The following PRR16 variants were observed in gnomAD, a reference collection of about 807,000 sequenced individuals.
PRR16 encodes proline rich 16.
In PRR16, 6 loss-of-function variants were observed where a neutral mutation model predicts 18.2. That is an observed-to-expected ratio of 0.33 (90% CI 0.18 to 0.65). The LOEUF (loss-of-function observed/expected upper bound fraction) is 0.65. Ranked by LOEUF, PRR16 falls within the 30% of genes least tolerant of loss-of-function variation. The probability of loss-of-function intolerance (pLI) is 0.74; values close to 1 mark genes in which losing one functional copy is unlikely to be tolerated. For missense variants in PRR16, 412 were observed against 376.6 expected (o/e 1.09, Z -0.78); for synonymous variants, 151 against 147.8 (o/e 1.02, Z -0.16).
chr5:120,661,065 T>G (rs545715557), intron 1 of PRR16, among the ~76,000 whole-genome samples: 1 of 152,164 alleles, frequency 6.6e-6, no homozygotes, highest in African/African-American at 2.4e-5. Flanking sequence ...GCATATTTTC[T>G]TCACAATGTG....
At position 120,682,876 on chromosome 5, in the gene PRR16, C is replaced by A. The variant is rs535626996; in HGVS notation, c.160-3078C>A. Among the ~76,000 whole-genome samples, 7 of 152,252 alleles carry A rather than the reference C, an allele frequency of 4.6e-5. No homozygotes were observed. The South Asian group carries it at 1.4e-3, about 32-fold the overall frequency. On this transcript the variant is annotated intron_variant, in intron 1 of 1. Transcript: ENST00000407149. ...GCTCACACTTAAACTGAAGAAATAACCCTCGGAGCATTTACTTAACAAATA... is the reference window on the plus strand; with the variant it reads ...GCTCACACTTAAACTGAAGAAATAAACCTCGGAGCATTTACTTAACAAATA...
rs184856685 is a variant in PRR16 at position 120,545,482 on chromosome 5, C to T, written c.159+80837C>T. Among the ~76,000 whole-genome samples, 1,308 of 152,042 alleles carry T rather than the reference C, an allele frequency of 8.6e-3. 12 individuals carry two copies. Among genetic ancestry groups the T allele is most frequent in the Non-Finnish European group, 0.014 (944 of 67,950 alleles). ...AATGTCACAAAGAAGTCTGAAAAAG[C>T]TCACCTTATACTTTTTATTCTTCAT... On this transcript the variant is annotated intron_variant, in intron 1 of 1. Coordinates refer to ENST00000407149, the MANE Select transcript of PRR16 (RefSeq NM_001300783.2).
chr5:120,485,933 A>G (rs111249208), intron 1 of PRR16, among the ~76,000 whole-genome samples: 9,796 of 152,090 alleles, frequency 0.064, 707 homozygotes, highest in African/African-American at 0.18. Flanking sequence ...GTTTGCTGAG[A>G]ATGATGGTTT....
At chr5:120,485,191 T>C (rs769681758) in intron 1 of PRR16, among the ~76,000 whole-genome samples, 1 of 152,164 alleles carries the variant, frequency 6.6e-6, no homozygotes, top group African/African-American at 2.4e-5. Flanking sequence ...AACATTTATA[T>C]TTTATGTCTT....
chr5:120,516,221 C>T (rs923885417), intron 1 of PRR16, among the ~76,000 whole-genome samples: 1 of 151,966 alleles, frequency 6.6e-6, no homozygotes, highest in Non-Finnish European at 1.5e-5. Flanking sequence ...GTCAGGAGTT[C>T]GAGACCAGCC....
At chr5:120,503,375 A>G (rs1283106844) in intron 1 of PRR16, among the ~76,000 whole-genome samples, 1 of 152,166 alleles carries the variant, frequency 6.6e-6, no homozygotes. Context: ...CCATGTTTTC[A>G]CTTAGAGCTA....
intron 1 of PRR16, among the ~76,000 whole-genome samples, chr5:120,465,059 G>A (rs1749031080): frequency 6.6e-6 from 1 of 152,116 alleles, no homozygotes; most frequent in African/African-American, 2.4e-5. Context: ...CTGCCTATCT[G>A]TCAGCCTCCC....
intron 1 of PRR16, among the ~76,000 whole-genome samples, chr5:120,647,133 A>G (rs1561591984): frequency 6.6e-6 from 1 of 151,990 alleles, no homozygotes; most frequent in Admixed American, 6.6e-5. Context: ...CCTCAAAAGG[A>G]GTCTATGATT....
chr5:120,650,866 T>C (rs1755758882), intron 1 of PRR16, among the ~76,000 whole-genome samples: 1 of 152,132 alleles, frequency 6.6e-6, no homozygotes, highest in African/African-American at 2.4e-5. Flanking sequence ...CTGGGTCAAA[T>C]GGTATTTCTA....
intron 1 of PRR16, among the ~76,000 whole-genome samples, chr5:120,603,398 A>G (rs1433416420): frequency 6.6e-6 from 1 of 152,016 alleles, no homozygotes; most frequent in Non-Finnish European, 1.5e-5. Flanking sequence ...CTGAGGGATT[A>G]GTGTTAATGT....
At chr5:120,619,006 G>A (rs895858344) in intron 1 of PRR16, among the ~76,000 whole-genome samples, 3 of 152,046 alleles carry the variant, frequency 2.0e-5, no homozygotes, top group Non-Finnish European at 4.4e-5. Flanking sequence ...TTTCCCACTG[G>A]AATAAAGTCT....
Position 120,670,195 on chromosome 5 carries a change from G to A in PRR16, c.160-15759G>A, listed in dbSNP as rs189939157. On this transcript the variant is annotated intron_variant, in intron 1 of 1. Transcript: ENST00000407149. Reference sequence around the variant, plus strand: ...AGTTAGAAAAAATATTCTATGTTTTGCCTTTCTCAGTACCACATATAGAAC... The same window carrying A: ...AGTTAGAAAAAATATTCTATGTTTTACCTTTCTCAGTACCACATATAGAAC... Among the ~76,000 whole-genome samples the A allele has an allele frequency of 2.3e-4, 35 of 151,980 alleles. No individual in the cohort carries two copies. The East Asian group carries it at 6.0e-3, about 26-fold the overall frequency.
chr5:120,490,873 T>A (rs1561513555), intron 1 of PRR16, among the ~76,000 whole-genome samples: 2 of 152,206 alleles, frequency 1.3e-5, no homozygotes, highest in South Asian at 4.1e-4. Context: ...CTTCTAACAG[T>A]CAGGACCCTC....
the PRR16 span, among the ~76,000 whole-genome samples, chr5:120,712,003 GT>G: frequency 1.5e-4 from 23 of 152,176 alleles, no homozygotes; most frequent in East Asian, 2.7e-3. Context: ...CCACCTGTGT[GT>G]CATATTTTTC....
the PRR16 span, among the ~76,000 whole-genome samples, chr5:120,723,529 A>C: frequency 2.0e-5 from 3 of 152,046 alleles, no homozygotes; most frequent in Non-Finnish European, 4.4e-5. Context: ...ATGTCAAATA[A>C]CATTGTATAT....
At chr5:120,630,964 A>C (rs1755032504) in intron 1 of PRR16, among the ~76,000 whole-genome samples, 8 of 152,182 alleles carry the variant, frequency 5.3e-5, no homozygotes, top group Admixed American at 5.2e-4. Context: ...CAGAATACTA[A>C]ATTATTTAGC....
chr5:120,670,474 A>G (rs995306104), intron 1 of PRR16, among the ~76,000 whole-genome samples: 3 of 152,148 alleles, frequency 2.0e-5, no homozygotes, highest in Non-Finnish European at 4.4e-5. Context: ...TTTTTATAAA[A>G]TATCTCTGCA....
intron 1 of PRR16, among the ~76,000 whole-genome samples, chr5:120,467,096 C>T (rs966964736): frequency 1.3e-5 from 2 of 152,148 alleles, no homozygotes; most frequent in Non-Finnish European, 2.9e-5. Flanking sequence ...TGTGAGTGAA[C>T]ATGTCTTTGG....
the PRR16 span, among the ~76,000 whole-genome samples, chr5:120,706,094 T>G: frequency 6.6e-6 from 1 of 152,130 alleles, no homozygotes; most frequent in African/African-American, 2.4e-5. Context: ...ATGATCCCGG[T>G]AAATAATAAC....
Sources: gnomAD v4.1 joint callset for allele counts (sites outside exome capture counted in the v4.1 genomes callset) on GRCh38, gnomAD v4.1.1 for gene constraint, MANE v1.5 for transcripts, NCBI Gene and HGNC (gene_info 2026-07-23, HGNC 2026-07-21) for gene names.